The following ACOT7 variants were observed in gnomAD, a reference collection of about 807,000 sequenced individuals.
ACOT7 encodes cytosolic acyl coenzyme A thioester hydrolase.
Under a neutral mutation model 40.2 loss-of-function variants are expected in ACOT7, and 12 were observed. The ratio of observed to expected loss-of-function variants is 0.30; its 90% CI spans 0.19 to 0.48. The LOEUF is 0.48. Among genes scored for constraint, ACOT7 ranks in the 20% least tolerant of loss-of-function variants. The pLI is 0.99. For missense variants in ACOT7, 395 were observed against 530.8 expected (o/e 0.74, Z 2.51); for synonymous variants, 228 against 219.5 (o/e 1.04, Z -0.34).
rs551360146 is a variant in ACOT7, at chr1:6,275,236, G to A, written c.1014+5866C>T. 6.6e-6 allele frequency among the ~76,000 whole-genome samples: 1 copy of A among 152,344 alleles called. No individual in the cohort carries two copies. Among genetic ancestry groups the A allele is most frequent in the East Asian group, 1.9e-4 (1 of 5,180 alleles). ...AGCAGCCTCTGCATCCAGCTGCCCTGGCTTCCTAACCAGAAAACAAACCTG... is the reference window on the plus strand; with the variant it reads ...AGCAGCCTCTGCATCCAGCTGCCCTAGCTTCCTAACCAGAAAACAAACCTG... On this transcript the variant is annotated intron_variant, in intron 8 of 8. Transcript: ENST00000361521. The surrounding 1 kb of genome is among the most constrained non-coding windows in gnomAD (Gnocchi z 5.6).
chr1:6,349,611 G>C, intron 2 of ACOT7, 138 bp downstream of exon 2: 1 of 855,962 alleles, frequency 1.2e-6, no homozygotes, highest in Non-Finnish European at 1.8e-6. Context: ...AAATACTTGG[G>C]CCACTTCTCC....
intron 5 of ACOT7, among the ~76,000 whole-genome samples, chr1:6,326,290 G>A (rs560394107): frequency 6.6e-6 from 1 of 152,314 alleles, no homozygotes; most frequent in Admixed American, 6.5e-5. Flanking sequence ...TTTTCCTAGG[G>A]GGACAGATGC....
chr1:6,284,215 C>G (rs919235889), intron 7 of ACOT7, among the ~76,000 whole-genome samples: 1 of 152,102 alleles, frequency 6.6e-6, no homozygotes, highest in African/African-American at 2.4e-5. Flanking sequence ...AGGGACTGTC[C>G]CAGGGGACCT....
chr1:6,361,308 T>C (rs1641888691), intron 1 of ACOT7, among the ~76,000 whole-genome samples: 1 of 151,624 alleles, frequency 6.6e-6, no homozygotes, highest in Admixed American at 6.6e-5. Context: ...AGTCAGCTGG[T>C]GGGGGGCAGG....
intron 2 of ACOT7, among the ~76,000 whole-genome samples, chr1:6,344,642 T>C (rs1641366774): frequency 6.6e-6 from 1 of 151,542 alleles, no homozygotes; most frequent in Non-Finnish European, 1.5e-5. Context: ...CACATGCCTG[T>C]AGTCACAGCT....
chr1:6,361,710 T>C (rs1466877982), intron 1 of ACOT7, among the ~76,000 whole-genome samples: 1 of 152,112 alleles, frequency 6.6e-6, no homozygotes, highest in African/African-American at 2.4e-5. Context: ...GGCAGGAGAA[T>C]CACCTGAACC....
intron 8 of ACOT7, among the ~76,000 whole-genome samples, chr1:6,270,179 G>A (rs1384496206): frequency 6.6e-6 from 1 of 152,284 alleles, no homozygotes; most frequent in East Asian, 1.9e-4. Flanking sequence ...GACAGAGCAA[G>A]ACAGATGTCT....
At chr1:6,387,147 A>G (rs911235731) in intron 1 of ACOT7, among the ~76,000 whole-genome samples, 1 of 152,040 alleles carries the variant, frequency 6.6e-6, no homozygotes, top group Non-Finnish European at 1.5e-5. Context: ...ACAGCGAGTG[A>G]GTGAAAGCAG....
At chr1:6,312,663 T>C (rs1217201569) in intron 6 of ACOT7, among the ~76,000 whole-genome samples, 1 of 152,166 alleles carries the variant, frequency 6.6e-6, no homozygotes, top group Admixed American at 6.5e-5. Context: ...AGACAGGGTT[T>C]TACCATGTTG....
At chr1:6,273,928 G>A (rs572978872) in intron 8 of ACOT7, among the ~76,000 whole-genome samples, 160 of 152,356 alleles carry the variant, frequency 1.1e-3, no homozygotes, top group African/African-American at 3.1e-3. Flanking sequence ...GCCCTGCCCC[G>A]TGACAAAGGC....
intron 1 of ACOT7, chr1:6,385,804 C>CAAAA: frequency 7.1e-7 from 1 of 1,418,146 alleles, no homozygotes; most frequent in Non-Finnish European, 9.2e-7. Context: ...TCCTGCTCCT[C>CAAAA]CTAGGACCGC....
intron 6 of ACOT7, among the ~76,000 whole-genome samples, chr1:6,307,978 G>GCAACCAGGCAGAGGGAACCA (rs1174110231): frequency 6.8e-6 from 1 of 146,692 alleles, no homozygotes; most frequent in South Asian, 2.2e-4. Context: ...GGAGGAAACT[G>GCAACCAGGCAGAGGGAACCA]CAACCAGGCA....
At chr1:6,333,720 C>A in intron 3 of ACOT7, 152 bp from the exon 4 acceptor site, 1 of 691,494 alleles carries the variant, frequency 1.4e-6, no homozygotes, top group Non-Finnish European at 2.5e-6. Context: ...AACCCCCAAG[C>A]CCCCAAGCCC....
chr1:6,292,353 C>A (rs1415704865), intron 7 of ACOT7, among the ~76,000 whole-genome samples: 1 of 152,254 alleles, frequency 6.6e-6, no homozygotes, highest in Non-Finnish European at 1.5e-5. Flanking sequence ...GGCGAGCCCA[C>A]CCAACCTGCC....
At chr1:6,316,367 C>T (rs535138858) in intron 6 of ACOT7, among the ~76,000 whole-genome samples, 1 of 152,142 alleles carries the variant, frequency 6.6e-6, no homozygotes, top group Non-Finnish European at 1.5e-5. Flanking sequence ...TCATAGTGCT[C>T]GTGGGCCTGG....
rs1642568584 is a variant in ACOT7 at position 6,393,362 on chromosome 1, AG to A, written c.37del (p.Leu13CysfsTer55). On this transcript the variant is annotated frameshift_variant, in exon 1 of 9. Transcript: ENST00000361521. LOFTEE classifies it high-confidence loss of function. ...RPGLIHSAPG[L>X]PDTCALLQPP... The stretch of plus-strand genomic sequence containing the variant: ...CTGCAGAAGGGCGCAGGTGTCTGGC[AG>A]GCCCGGCGCGGAATGAATGAGCCCG... 1.4e-5 allele frequency: 17 copies of A among 1,239,062 alleles called. No individual in the cohort carries two copies. Among genetic ancestry groups the A allele is most frequent in the Non-Finnish European group, 1.7e-5 (17 of 989,908 alleles). The allele number at this position is 1,239,062 out of a possible 1,614,324, so 76.8% of individuals were successfully genotyped here.
rs1640918367 is a variant in ACOT7 at position 6,330,222 on chromosome 1, G to C, written c.511-2809C>G. On this transcript the variant is annotated intron_variant, in intron 4 of 8. Transcript: ENST00000361521. This position sits in a 1 kb window ranked among gnomAD's most constrained non-coding sequence, Gnocchi z 4.6. ...ATGGCTGTCTGTAGAAAGGTCAGCG[G>C]GAGCATGCTCATGCAATATAAGACA... 6.6e-6 allele frequency among the ~76,000 whole-genome samples: 1 copy of C among 152,208 alleles called. No individual in the cohort carries two copies. Among genetic ancestry groups the C allele is most frequent in the Non-Finnish European group, 1.5e-5 (1 of 68,032 alleles).
At chr1:6,366,546 C>T (rs1030433608) in intron 1 of ACOT7, among the ~76,000 whole-genome samples, 18 of 151,324 alleles carry the variant, frequency 1.2e-4, no homozygotes, top group African/African-American at 4.4e-4. Flanking sequence ...GTGATTGCAC[C>T]ACTGCACTCC....
intron 4 of ACOT7, among the ~76,000 whole-genome samples, chr1:6,328,254 C>T (rs1380490085): frequency 6.6e-6 from 1 of 152,178 alleles, no homozygotes; most frequent in Non-Finnish European, 1.5e-5. Flanking sequence ...GCCAATCAAA[C>T]AGGTTATATA....
Sources: allele counts gnomAD v4.1 joint callset (sites outside exome capture counted in the v4.1 genomes callset), GRCh38; gene constraint gnomAD v4.1.1; non-coding constraint Gnocchi (gnomAD v3.1); transcripts MANE v1.5; gene names NCBI Gene and HGNC (gene_info 2026-07-23, HGNC 2026-07-21).